The following MCM3AP variants were observed in gnomAD, a reference collection of about 807,000 sequenced individuals.
MCM3AP encodes germinal-center associated nuclear protein.
Under a neutral mutation model 184.1 loss-of-function variants are expected in MCM3AP, and 126 were observed. That is an observed-to-expected ratio of 0.68 (90% CI 0.59 to 0.79). The LOEUF (loss-of-function observed/expected upper bound fraction) is 0.79, where lower values mean the gene tolerates loss of function less well. MCM3AP is among the 30% of genes least tolerant of loss of function. The pLI is 0.00. For synonymous variants in MCM3AP, 1,002 were observed against 979.3 expected (o/e 1.02, Z -0.43); for missense variants, 2,496 against 2,479.2 (o/e 1.01, Z -0.14).
chr21:46,240,887 G>C lies in MCM3AP; in HGVS notation c.5557C>G (p.Arg1853Gly), dbSNP rs1332097317. ...AAGAGCTCCTCAGCAGAAGCTCCTC[G>C]CATCAGATCCTCTGTGCTGGGAATC... ...GRIPSTEDLMRGASAEELLAQ... is the reference protein window; with the variant it reads ...GRIPSTEDLMGGASAEELLAQ... Residue 1853 changes from arginine (R) to glycine (G), a missense_variant, in exon 26 of 28, where the codon CGA becomes GGA. Physicochemically the swap from Arg to Gly is moderately radical, Grantham distance 125. Coordinates refer to ENST00000291688, the MANE Select transcript of MCM3AP (RefSeq NM_003906.5). 7 of 1,614,162 alleles carry C rather than the reference G, an allele frequency of 4.3e-6. No individual in the cohort carries two copies. Among genetic ancestry groups the C allele is most frequent in the South Asian group, 1.1e-5 (1 of 91,088 alleles).
At chr21:46,243,021 A>C in intron 24 of MCM3AP, 90 bp from the exon 25 acceptor site, 1 of 1,185,366 alleles carries the variant, frequency 8.4e-7, no homozygotes. Flanking sequence ...AAACAAAAAC[A>C]GGTACAAATA....
At chr21:46,270,127 T>C (rs907559510) in intron 9 of MCM3AP, 14 of 300,062 alleles carry the variant, frequency 4.7e-5, no homozygotes, top group Non-Finnish European at 7.3e-5. Context: ...TGGATGATGA[T>C]AGTGCTGAAT....
intron 19 of MCM3AP, chr21:46,251,885 T>C: frequency 3.4e-6 from 1 of 291,900 alleles, no homozygotes. Context: ...CTCGTTCTTT[T>C]TTTTTTTTTT....
Position 46,242,858 on chromosome 21 carries a change from C to T in MCM3AP, c.5370G>A (p.Leu1790=), listed in dbSNP as rs1461313788. 6.2e-7 allele frequency: 1 copy of T among 1,613,306 alleles called. No individual in the cohort carries two copies. Among genetic ancestry groups the T allele is most frequent in the Non-Finnish European group, 8.5e-7 (1 of 1,179,620 alleles). The change falls in exon 25 of 28, where the codon TTG becomes TTA. Residue 1790 remains leucine (L), a synonymous_variant. Coordinates refer to ENST00000291688, the MANE Select transcript of MCM3AP (RefSeq NM_003906.5). ...TCTGCAACCTGGCTTGTTCCCACGA[C>T]AAAGGAACATCATATTTTTTCAAAT... The part of the protein sequence containing the change: ...KNDLKKYDVP[L]SWEQARLQTQ...
At chr21:46,261,675 G>T (rs1255242599) in intron 13 of MCM3AP, among the ~76,000 whole-genome samples, 1 of 150,032 alleles carries the variant, frequency 6.7e-6, no homozygotes, top group Non-Finnish European at 1.5e-5. Context: ...GGAGACTGCA[G>T]TGAGCCAAGA....
intron 13 of MCM3AP, among the ~76,000 whole-genome samples, chr21:46,262,349 T>C (rs1301986997): frequency 1.3e-5 from 2 of 152,064 alleles, no homozygotes; most frequent in African/African-American, 4.8e-5. Flanking sequence ...AAAGACACTA[T>C]AGGAAAACTA....
At chr21:46,260,691 A>G in intron 15 of MCM3AP, 102 bp downstream of exon 15, 1 of 785,302 alleles carries the variant, frequency 1.3e-6, no homozygotes, top group Non-Finnish European at 2.2e-6. Flanking sequence ...TAGACAGGCA[A>G]GATCCATTTC....
In MCM3AP at chr21:46,285,266, G is replaced by C. The variant is rs1277187657; in HGVS notation, c.21C>G (p.Phe7Leu). 3.1e-6 allele frequency: 5 copies of C among 1,613,318 alleles called. No individual in the cohort carries two copies. In the South Asian group the frequency reaches 5.5e-5, roughly 18 times the overall value. MNPTNP[F>L]SGQQPSAFSA... ...AAAAAGCACTAGGCTGCTGCCCACT[G>C]AAAGGATTAGTTGGGTTCATCTTCT... Residue 7 changes from phenylalanine to leucine, a missense_variant, in exon 1 of 28, where the codon TTC (phenylalanine) becomes TTG (leucine). Transcript: ENST00000291688.
intron 4 of MCM3AP, among the ~76,000 whole-genome samples, chr21:46,279,499 C>A (rs963448930): frequency 1.3e-5 from 2 of 152,276 alleles, no homozygotes; most frequent in African/African-American, 4.8e-5. Flanking sequence ...ACAGAGCAGG[C>A]ACTCTGTGCA....
intron 9 of MCM3AP, 144 bp downstream of exon 9, chr21:46,270,257 G>T: frequency 1.4e-6 from 1 of 730,388 alleles, no homozygotes; most frequent in Non-Finnish European, 2.3e-6. Flanking sequence ...GGGCAACACC[G>T]GTAACCCCTT....
intron 23 of MCM3AP, chr21:46,244,508 G>T (rs916941751): frequency 3.2e-5 from 14 of 432,416 alleles, no homozygotes; most frequent in Non-Finnish European, 5.9e-5. Context: ...CAGGATCAGG[G>T]TTGGTGTTCC....
rs548765701 is a variant in MCM3AP at position 46,281,037 on chromosome 21, C to A, written c.1444-462G>T. ...GCCAGGATGGTCTTGATCTCCTGAC[C>A]TCAGGTGATCCGCCCACCTTGGCCT... is the stretch of plus-strand genomic sequence containing the variant. On this transcript the variant is annotated intron_variant, in intron 2 of 27. Coordinates refer to ENST00000291688, the MANE Select transcript of MCM3AP (RefSeq NM_003906.5). Among the ~76,000 whole-genome samples the A allele has an allele frequency of 2.6e-3, 400 of 152,336 alleles. 2 individuals carry two copies. Among genetic ancestry groups the A allele is most frequent in the South Asian group, 0.026 (124 of 4,828 alleles).
rs1322124429 is a variant in MCM3AP, at chr21:46,238,479, A to G, written c.5634-1500T>C. 4.2e-5 allele frequency among the ~76,000 whole-genome samples: 5 copies of G among 120,230 alleles called. 1 individual carries two copies. The highest frequency in any genetic ancestry group is 1.3e-4 in the African/African-American group (4 of 29,688). The allele number at this position is 120,230 out of a possible 152,430, so 78.9% of individuals were successfully genotyped here. A position where few individuals can be genotyped will look rare whatever the true frequency, so the allele number is the denominator to read the frequency against. On this transcript the variant is annotated intron_variant, in intron 26 of 27. Transcript: ENST00000291688. ...TCCCAGCACTTTGGGAGGCCAAGGC[A>G]GGTGGATCACCTGAGGTCAGGAGTT...
chr21:46,256,200 C>A (rs995320770), intron 17 of MCM3AP, among the ~76,000 whole-genome samples: 33 of 152,114 alleles, frequency 2.2e-4, no homozygotes, highest in African/African-American at 7.9e-4. Flanking sequence ...CCAAGCCCAG[C>A]ATGGCCAGGA....
chr21:46,236,836 C>G lies in MCM3AP; in HGVS notation c.5777G>C (p.Ser1926Thr). The change falls in exon 27 of 28, where the codon AGC (serine) becomes ACC (threonine). Residue 1926 changes from serine to threonine, a missense_variant. Around this residue, in one of 5 missense-constraint regions of MCM3AP, gnomAD observed 1,323 missense variants for 1,273.4 expected, o/e 1.04. Transcript: ENST00000291688. ...EPVMKTSVTT[S>T]PQSDMMREQL... The stretch of plus-strand genomic sequence containing the variant: ...TGTATACGTTCTTCTCACCTGTGGG[C>G]TAGTAGTTACAGATGTTTTCATCAC... 1 of 1,551,830 alleles carries G rather than the reference C, an allele frequency of 6.4e-7. No individual in the cohort carries two copies. The highest frequency in any genetic ancestry group is 8.6e-7 in the Non-Finnish European group (1 of 1,156,628).
chr21:46,241,838 C>T (rs929093984), intron 25 of MCM3AP: 4 of 152,144 alleles, frequency 2.6e-5, no homozygotes, highest in African/African-American at 9.7e-5. Flanking sequence ...TCCGGGAAAC[C>T]AGGAGGTGAG....
intron 3 of MCM3AP, 144 bp downstream of exon 3, chr21:46,280,353 C>A: frequency 1.2e-6 from 1 of 816,188 alleles, no homozygotes. Context: ...GGACCAAGAG[C>A]ATGAGAAACT....
chr21:46,273,812 G>A (rs541658150), intron 6 of MCM3AP, among the ~76,000 whole-genome samples: 32 of 152,314 alleles, frequency 2.1e-4, no homozygotes, highest in South Asian at 2.1e-3. Flanking sequence ...ATATGAGTGC[G>A]TCATGACAAA....
Position 46,243,521 on chromosome 21 carries a change from A to C in MCM3AP, c.5240T>G (p.Leu1747Trp). 1.2e-6 allele frequency: 2 copies of C among 1,614,206 alleles called. No homozygotes were observed. Among genetic ancestry groups the C allele is most frequent in the Non-Finnish European group, 1.7e-6 (2 of 1,180,040 alleles). ...GTCTCTCAGCTTGTGGTTGATACACAAGGCGATAAGATCATCCCATGGGAT... is the reference window on the plus strand; with the variant it reads ...GTCTCTCAGCTTGTGGTTGATACACCAGGCGATAAGATCATCCCATGGGAT... Reference protein sequence around the residue: ...MEIPWDDLIALCINHKLRDWT... With the variant: ...MEIPWDDLIAWCINHKLRDWT... The change falls in exon 24 of 28, where the codon TTG (leucine) becomes TGG (tryptophan). Residue 1747 changes from leucine to tryptophan, a missense_variant. Around this residue, in one of 5 missense-constraint regions of MCM3AP, gnomAD observed 1,323 missense variants for 1,273.4 expected, o/e 1.04. Coordinates refer to ENST00000291688, the MANE Select transcript of MCM3AP (RefSeq NM_003906.5).
Sources: allele counts gnomAD v4.1 joint callset (sites outside exome capture counted in the v4.1 genomes callset), GRCh38; gene constraint gnomAD v4.1.1; regional missense constraint gnomAD v4.1.1; transcripts MANE v1.5; gene names NCBI Gene and HGNC (gene_info 2026-07-23, HGNC 2026-07-21).